Variants in HPSE2 observed in about 807,000 individuals in gnomAD.
The protein encoded by HPSE2 is heparanase 2 (inactive).
HPSE2 carries 38 observed loss-of-function variants against 60.5 expected under a neutral mutation model. That is an observed-to-expected ratio of 0.63 (90% CI 0.48 to 0.82). HPSE2 has a LOEUF of 0.82. Ranked by LOEUF, HPSE2 falls within the 40% of genes least tolerant of loss-of-function variation. The probability of loss-of-function intolerance (pLI) is 0.00; values close to 1 mark genes in which losing one functional copy is unlikely to be tolerated. For synonymous variants in HPSE2, 295 were observed against 293.2 expected (o/e 1.01, Z -0.06); for missense variants, 713 against 740.4 (o/e 0.96, Z 0.43).
chr10:99,265,287 CT>C, the HPSE2 span, among the ~76,000 whole-genome samples: 1 of 152,220 alleles, frequency 6.6e-6, no homozygotes, highest in Non-Finnish European at 1.5e-5. Context: ...TGCTGACTCT[CT>C]TTTCGGACTC....
chr10:99,035,657 T>G (rs1395931650), intron 3 of HPSE2, among the ~76,000 whole-genome samples: 1 of 152,248 alleles, frequency 6.6e-6, no homozygotes, highest in Non-Finnish European at 1.5e-5. Flanking sequence ...AGATGATGTT[T>G]ACACCAGCAT....
chr10:98,597,336 C>T (rs549425302), intron 9 of HPSE2, among the ~76,000 whole-genome samples: 1 of 151,968 alleles, frequency 6.6e-6, no homozygotes, highest in Admixed American at 6.6e-5. Flanking sequence ...ATTTCTATTC[C>T]TTTGTCCCTT....
intron 3 of HPSE2, among the ~76,000 whole-genome samples, chr10:98,840,920 T>C (rs1951896437): frequency 6.6e-6 from 1 of 152,236 alleles, no homozygotes; most frequent in Non-Finnish European, 1.5e-5. Context: ...GTTCATGACA[T>C]ACTGTAATTA....
chr10:99,195,737 T>A (rs1848373534), intron 2 of HPSE2, among the ~76,000 whole-genome samples: 1 of 152,142 alleles, frequency 6.6e-6, no homozygotes, highest in Non-Finnish European at 1.5e-5. Flanking sequence ...AGATATTCCA[T>A]GTTCATGCAT....
chr10:99,015,471 T>C (rs1398340723), intron 3 of HPSE2, among the ~76,000 whole-genome samples: 2 of 152,324 alleles, frequency 1.3e-5, no homozygotes, highest in South Asian at 2.1e-4. Flanking sequence ...ATATACACCA[T>C]GGAATACTAT....
At chr10:98,983,261 G>A (rs1956250878) in intron 3 of HPSE2, among the ~76,000 whole-genome samples, 1 of 152,136 alleles carries the variant, frequency 6.6e-6, no homozygotes, top group South Asian at 2.1e-4. Flanking sequence ...ATCAGTGGGA[G>A]CCCCGAGCTT....
intron 9 of HPSE2, among the ~76,000 whole-genome samples, chr10:98,524,338 C>T (rs936662221): frequency 2.6e-5 from 4 of 152,068 alleles, no homozygotes; most frequent in Admixed American, 2.0e-4. Flanking sequence ...AGCCGTAATG[C>T]CAGTGGGGGA....
intron 9 of HPSE2, among the ~76,000 whole-genome samples, chr10:98,594,479 T>C (rs990587810): frequency 3.9e-5 from 6 of 152,174 alleles, no homozygotes; most frequent in African/African-American, 1.2e-4. Context: ...AGGATTTCCT[T>C]ATATAAGATC....
intron 1 of HPSE2, 41 bp from the exon 2 acceptor site, chr10:99,232,546 A>T (rs1353426493): frequency 6.5e-7 from 1 of 1,547,546 alleles, no homozygotes; most frequent in Middle Eastern, 2.3e-4. Flanking sequence ...TTCCCAGGAC[A>T]GGACGAGAGC....
intron 9 of HPSE2, among the ~76,000 whole-genome samples, chr10:98,588,617 TC>T (rs1945002198): frequency 6.6e-6 from 1 of 152,000 alleles, no homozygotes; most frequent in African/African-American, 2.4e-5. Context: ...CAAGGAAGTC[TC>T]AAAATACGGA....
chr10:98,727,679 C>A (rs569382682), intron 4 of HPSE2, among the ~76,000 whole-genome samples: 89 of 145,558 alleles, frequency 6.1e-4, no homozygotes, highest in East Asian at 2.2e-3. Context: ...ACAACAACAA[C>A]AAAAAAAAAC....
chr10:98,526,129 G>A (rs1477268991), intron 9 of HPSE2, among the ~76,000 whole-genome samples: 4 of 152,172 alleles, frequency 2.6e-5, no homozygotes, highest in Non-Finnish European at 5.9e-5. Context: ...CTAGTATGTA[G>A]ATGCTGAAAA....
chr10:98,649,730 G>T (rs900927591), intron 6 of HPSE2, among the ~76,000 whole-genome samples: 32 of 152,132 alleles, frequency 2.1e-4, no homozygotes, highest in African/African-American at 7.5e-4. Context: ...TTGCAAAAAA[G>T]TTTTTCAAAG....
At chr10:99,268,804 C>T in the HPSE2 span, among the ~76,000 whole-genome samples, 1 of 152,168 alleles carries the variant, frequency 6.6e-6, no homozygotes, top group Admixed American at 6.5e-5. Flanking sequence ...TCAATACTAA[C>T]ATTGAAGGTA....
chr10:99,017,673 T>A (rs1431073128), intron 3 of HPSE2, among the ~76,000 whole-genome samples: 1 of 152,186 alleles, frequency 6.6e-6, no homozygotes, highest in African/African-American at 2.4e-5. Flanking sequence ...TTTTGGTTGA[T>A]AGCCTATTTA....
chr10:98,762,556 A>C (rs1473934542), intron 3 of HPSE2, among the ~76,000 whole-genome samples: 1 of 152,164 alleles, frequency 6.6e-6, no homozygotes, highest in Non-Finnish European at 1.5e-5. Context: ...AAGAATTGAA[A>C]TGTGATAAAA....
intron 3 of HPSE2, among the ~76,000 whole-genome samples, chr10:98,889,370 T>G (rs1371016007): frequency 2.6e-5 from 4 of 151,552 alleles, no homozygotes; most frequent in Non-Finnish European, 4.4e-5. Flanking sequence ...TTTTCTTTTT[T>G]TTTTTTTTGT....
chr10:98,848,372 C>G (rs547059048), intron 3 of HPSE2, among the ~76,000 whole-genome samples: 1 of 151,632 alleles, frequency 6.6e-6, no homozygotes, highest in Admixed American at 6.6e-5. Context: ...GAGCCTAGAT[C>G]GCACCACTGC....
intron 3 of HPSE2, among the ~76,000 whole-genome samples, chr10:98,802,073 C>A (rs1240840772): frequency 1.3e-5 from 2 of 151,944 alleles, no homozygotes. Context: ...TTTCCAAGAA[C>A]ATGTTGGAGA....
Sources: gnomAD v4.1 joint callset for allele counts (sites outside exome capture counted in the v4.1 genomes callset) on GRCh38, gnomAD v4.1.1 for gene constraint, MANE v1.5 for transcripts, NCBI Gene and HGNC (gene_info 2026-07-23, HGNC 2026-07-21) for gene names.